Variants in GPC5 observed in about 807,000 individuals in gnomAD.
The protein encoded by GPC5 is glypican 5.
GPC5 carries 47 observed loss-of-function variants against 53.9 expected under a neutral mutation model. That is an observed-to-expected ratio of 0.87 (90% CI 0.69 to 1.11). The LOEUF is 1.11. Ranked by LOEUF, GPC5 falls within the 50% of genes most tolerant of loss-of-function variation. The pLI is 0.00. For missense variants in GPC5, 748 were observed against 713.1 expected (o/e 1.05, Z -0.56); for synonymous variants, 286 against 263.3 (o/e 1.09, Z -0.84).
intron 6 of GPC5, among the ~76,000 whole-genome samples, chr13:92,115,445 G>A (rs981389759): frequency 6.6e-6 from 1 of 152,148 alleles, no homozygotes; most frequent in Non-Finnish European, 1.5e-5. Context: ...GGCGGAGGTT[G>A]CAGTGAGCTG....
chr13:92,197,273 G>C (rs867648226), intron 7 of GPC5, among the ~76,000 whole-genome samples: 1 of 151,716 alleles, frequency 6.6e-6, no homozygotes, highest in South Asian at 2.1e-4. Context: ...TCATATAGAG[G>C]GATATATGAT....
chr13:91,786,331 C>T (rs571775145), intron 5 of GPC5, among the ~76,000 whole-genome samples: 1 of 152,294 alleles, frequency 6.6e-6, no homozygotes, highest in South Asian at 2.1e-4. Flanking sequence ...ACTTGAAAGC[C>T]TTTGGATGGC....
chr13:91,671,077 G>A (rs753442746), intron 2 of GPC5, among the ~76,000 whole-genome samples: 27 of 152,112 alleles, frequency 1.8e-4, no homozygotes, highest in Non-Finnish European at 4.0e-4. Context: ...TGCCTTTGAT[G>A]TGTAGGCATA....
chr13:92,083,567 G>A (rs888240826), intron 6 of GPC5, among the ~76,000 whole-genome samples: 13 of 151,994 alleles, frequency 8.6e-5, no homozygotes, highest in African/African-American at 3.1e-4. Context: ...AGAACTTAAA[G>A]TATAATTTAA....
chr13:92,716,819 AAAC>A (rs1025863383), intron 7 of GPC5, among the ~76,000 whole-genome samples: 3 of 152,342 alleles, frequency 2.0e-5, no homozygotes, highest in Non-Finnish European at 2.9e-5. Flanking sequence ...ATGCTGAAAC[AAAC>A]AACAGCAACC....
intron 7 of GPC5, among the ~76,000 whole-genome samples, chr13:92,637,506 A>G (rs1414638152): frequency 6.6e-6 from 1 of 152,212 alleles, no homozygotes; most frequent in Non-Finnish European, 1.5e-5. Flanking sequence ...GCCAGAGTCA[A>G]AAAACCTTGA....
intron 6 of GPC5, among the ~76,000 whole-genome samples, chr13:92,090,759 G>A (rs574398416): frequency 2.0e-5 from 3 of 152,284 alleles, no homozygotes; most frequent in South Asian, 2.1e-4. Context: ...TTAAAATTAT[G>A]TGCCTCAATT....
intron 7 of GPC5, among the ~76,000 whole-genome samples, chr13:92,575,179 A>G (rs1883151798): frequency 6.6e-6 from 1 of 152,280 alleles, no homozygotes; most frequent in Admixed American, 6.5e-5. Flanking sequence ...CACCAAAAAG[A>G]TATGTTCAAG....
At chr13:92,140,848 A>G (rs1356095995) in intron 6 of GPC5, among the ~76,000 whole-genome samples, 1 of 152,208 alleles carries the variant, frequency 6.6e-6, no homozygotes, top group Non-Finnish European at 1.5e-5. Context: ...AGTTCATCTC[A>G]CTTCCAGTTG....
At chr13:92,829,796 C>A (rs1459819333) in intron 7 of GPC5, among the ~76,000 whole-genome samples, 3 of 152,008 alleles carry the variant, frequency 2.0e-5, no homozygotes, top group African/African-American at 7.2e-5. Context: ...TTATTTCATA[C>A]CTTCATGATT....
intron 7 of GPC5, among the ~76,000 whole-genome samples, chr13:92,780,889 T>C (rs1876001230): frequency 6.6e-6 from 1 of 152,114 alleles, no homozygotes; most frequent in Admixed American, 6.5e-5. Flanking sequence ...TTCCCTAAAT[T>C]ATTTTATCTT....
At chr13:92,344,170 A>G (rs2043390585) in intron 7 of GPC5, among the ~76,000 whole-genome samples, 1 of 152,126 alleles carries the variant, frequency 6.6e-6, no homozygotes. Flanking sequence ...AGCCTCAGGA[A>G]ACCTATAATC....
chr13:91,855,286 T>C (rs61967099), intron 5 of GPC5, among the ~76,000 whole-genome samples: 20,210 of 151,614 alleles, frequency 0.13, 1,478 homozygotes, highest in African/African-American at 0.19. Flanking sequence ...CTTCATTGGC[T>C]TTTCAGCTCT....
At chr13:91,780,395 G>A (rs1401776044) in intron 5 of GPC5, among the ~76,000 whole-genome samples, 2 of 151,988 alleles carry the variant, frequency 1.3e-5, no homozygotes, top group East Asian at 3.9e-4. Flanking sequence ...GATTCCTCAT[G>A]TATTCATTAT....
chr13:92,174,460 G>A (rs1184472474), intron 7 of GPC5, among the ~76,000 whole-genome samples: 5 of 151,602 alleles, frequency 3.3e-5, no homozygotes, highest in Admixed American at 3.3e-4. Flanking sequence ...GCGTGAACCC[G>A]GGAGGCGGGG....
chr13:92,613,092 T>C (rs1459346109), intron 7 of GPC5, among the ~76,000 whole-genome samples: 6 of 150,524 alleles, frequency 4.0e-5, no homozygotes, highest in South Asian at 2.1e-4. Context: ...GAGACTTTGA[T>C]TAAGGAAGGC....
intron 7 of GPC5, among the ~76,000 whole-genome samples, chr13:92,300,777 AT>A (rs2043070206): frequency 6.6e-6 from 1 of 152,210 alleles, no homozygotes; most frequent in African/African-American, 2.4e-5. Context: ...GTTTGAATTT[AT>A]ATTGAGTTAG....
intron 2 of GPC5, among the ~76,000 whole-genome samples, chr13:91,507,015 A>G (rs1054116620): frequency 6.6e-6 from 1 of 152,192 alleles, no homozygotes; most frequent in African/African-American, 2.4e-5. Flanking sequence ...ACACATTTTT[A>G]TATATATCAA....
intron 7 of GPC5, among the ~76,000 whole-genome samples, chr13:92,644,362 G>A (rs2139155312): frequency 6.6e-6 from 1 of 152,268 alleles, no homozygotes; most frequent in South Asian, 2.1e-4. Context: ...AAACTCCTTA[G>A]TAAGTGTTCA....
Sources: allele counts gnomAD v4.1 joint callset (sites outside exome capture counted in the v4.1 genomes callset), GRCh38; gene constraint gnomAD v4.1.1; transcripts MANE v1.5; gene names NCBI Gene and HGNC (gene_info 2026-07-23, HGNC 2026-07-21).